Variants in WDR19 observed in about 807,000 individuals in gnomAD.
WDR19 encodes the protein WD repeat-containing protein 19.
In WDR19, 121 loss-of-function variants were observed where a neutral mutation model predicts 180.0. The observed-to-expected ratio is 0.67, with a 90% CI of 0.58 to 0.78. WDR19 has a LOEUF of 0.78. Ranked by LOEUF, WDR19 falls within the 30% of genes least tolerant of loss-of-function variation. The pLI, the probability that WDR19 is intolerant of heterozygous loss-of-function variation, is 0.00. For synonymous variants in WDR19, 497 were observed against 540.7 expected, an observed-to-expected ratio of 0.92 and a Z score of 1.12; for missense variants, 1,450 against 1,640.7, an observed-to-expected ratio of 0.88 and a Z score of 2.01.
In WDR19 at chr4:39,189,765, T is replaced by G; in HGVS notation, c.274T>G (p.Leu92Val). 6.2e-7 allele frequency: 1 copy of G among 1,604,708 alleles called. No individual in the cohort carries two copies. The highest frequency in any genetic ancestry group is 8.5e-7 in the Non-Finnish European group (1 of 1,177,346). ...TGCCAACACAAATAAGACCAGCCAG[T>G]TAGACAATGGCATGAGGTAAGATAA... is the stretch of plus-strand genomic sequence containing the variant. ...WDANTNKTSQ[L>V]DNGMRDQMSF... is the part of the protein sequence containing the mutation. Residue 92 changes from leucine to valine, a missense_variant, in exon 4 of 37, where the codon TTA becomes GTA. Transcript: ENST00000399820.
At chr4:39,222,497 G>A (rs556557727) in intron 14 of WDR19, among the ~76,000 whole-genome samples, 46 of 152,028 alleles carry the variant, frequency 3.0e-4, no homozygotes, top group African/African-American at 9.4e-4. Flanking sequence ...CTAACCCAGC[G>A]TCACAAAATT....
chr4:39,191,717 G>A (rs1250197611), intron 4 of WDR19, among the ~76,000 whole-genome samples: 3 of 152,112 alleles, frequency 2.0e-5, no homozygotes, highest in Non-Finnish European at 4.4e-5. Context: ...ACAGAACATG[G>A]TTGCTTCTCC....
chr4:39,228,153 C>T, intron 15 of WDR19, 57 bp from the exon 16 acceptor site: 1 of 1,588,094 alleles, frequency 6.3e-7, no homozygotes, highest in Non-Finnish European at 8.6e-7. Flanking sequence ...TCTACCACGG[C>T]AAATGATAAT....
At chr4:39,205,051 C>A in intron 7 of WDR19, 103 bp from the exon 8 acceptor site, 2 of 754,452 alleles carry the variant, frequency 2.7e-6, no homozygotes, top group Non-Finnish European at 4.3e-6. Flanking sequence ...CTAAATTGGG[C>A]TTATTATTTT....
intron 31 of WDR19, among the ~76,000 whole-genome samples, chr4:39,272,574 C>T (rs1359191585): frequency 1.3e-5 from 2 of 152,216 alleles, no homozygotes; most frequent in African/African-American, 4.8e-5. Flanking sequence ...GGCCTTCTGC[C>T]CGTCATTGCC....
intron 21 of WDR19, among the ~76,000 whole-genome samples, chr4:39,240,983 C>T (rs952321278): frequency 1.3e-5 from 2 of 150,198 alleles, no homozygotes; most frequent in African/African-American, 2.4e-5. Flanking sequence ...GTTTCAGTAA[C>T]CATTTTGAAA....
intron 9 of WDR19, among the ~76,000 whole-genome samples, chr4:39,210,350 A>C (rs1560495420): frequency 6.6e-6 from 1 of 152,268 alleles, no homozygotes; most frequent in Non-Finnish European, 1.5e-5. Context: ...TTTATTTCAG[A>C]TACTGAAAAT....
At chr4:39,266,208 C>T in intron 29 of WDR19, 68 bp downstream of exon 29, 4 of 1,381,408 alleles carry the variant, frequency 2.9e-6, no homozygotes, top group Non-Finnish European at 3.9e-6. Context: ...CCTGTTTTTA[C>T]CCATCATGCT....
Position 39,257,531 on chromosome 4 carries a change from G to A in WDR19, c.3160G>A (p.Ala1054Thr), listed in dbSNP as rs756862143. 1.4e-5 allele frequency: 22 copies of A among 1,589,708 alleles called. No individual in the cohort carries two copies. In the South Asian group the frequency reaches 2.4e-4, roughly 17 times the overall value. Residue 1054 changes from alanine to threonine, a missense_variant, in exon 28 of 37, where the codon GCA becomes ACA. By Grantham distance (58) the Ala-to-Thr change is moderately conservative (BLOSUM62 0). Transcript: ENST00000399820. The part of the protein sequence containing the change: ...LKCPSSEDNV[A>T]IEMAIETVGQ... ...ATGCCCAAGCTCGGAAGATAATGTG[G>A]CAATAGAAATGGCAATTGAAACTGT...
At chr4:39,207,012 G>A (rs367755895) in intron 9 of WDR19, among the ~76,000 whole-genome samples, 2 of 152,092 alleles carry the variant, frequency 1.3e-5, no homozygotes, top group Non-Finnish European at 2.9e-5. Context: ...ATTTTAACTC[G>A]CTCAGGAAAT....
At chr4:39,284,770 T>TATCA (rs770493868) in intron 36 of WDR19, among the ~76,000 whole-genome samples, 2 of 152,134 alleles carry the variant, frequency 1.3e-5, no homozygotes, top group African/African-American at 4.8e-5. Context: ...CTCCAAACAC[T>TATCA]ATCAATCAAT....
rs1303856393 is a variant in WDR19, at chr4:39,211,890, C to T, written c.891-2711C>T. Among the ~76,000 whole-genome samples the T allele has an allele frequency of 2.0e-5, 3 of 150,400 alleles. No individual in the cohort carries two copies. In the South Asian group the frequency reaches 6.3e-4, roughly 32 times the overall value. On this transcript the variant is annotated intron_variant, in intron 9 of 36. Transcript: ENST00000399820. ...TTTATATCAAAATCCCAGCATGCTTCTTTGTAGGCATAGGCATGCTTGTTC... is the reference window on the plus strand; with the variant it reads ...TTTATATCAAAATCCCAGCATGCTTTTTTGTAGGCATAGGCATGCTTGTTC...
At chr4:39,216,305 ACT>A (rs1729066789) in intron 12 of WDR19, 95 bp downstream of exon 12, 2 of 990,970 alleles carry the variant, frequency 2.0e-6, no homozygotes, top group African/African-American at 1.7e-5. Context: ...CAAGTCTTTC[ACT>A]CTTTTTTATT....
intron 9 of WDR19, among the ~76,000 whole-genome samples, chr4:39,211,229 A>G (rs918147065): frequency 6.6e-6 from 1 of 152,100 alleles, no homozygotes; most frequent in African/African-American, 2.4e-5. Context: ...TACATCTAAT[A>G]TCATGCTTAA....
At chr4:39,219,018 C>G (rs1729385262) in intron 14 of WDR19, 1 of 152,222 alleles carries the variant, frequency 6.6e-6, no homozygotes, top group African/African-American at 2.4e-5. Context: ...GAATAACATG[C>G]ATGGAGCTGT....
chr4:39,184,772 G>A (rs1305208373), intron 1 of WDR19, among the ~76,000 whole-genome samples: 1 of 152,054 alleles, frequency 6.6e-6, no homozygotes, highest in Non-Finnish European at 1.5e-5. Flanking sequence ...CCTAGAAATG[G>A]GCATCATTGT....
rs779599823 is a variant in WDR19, at chr4:39,228,192, G to A, written c.1630-18G>A. ...TCAAGTACAGACTTGGGGCAAATCT[G>A]TAAATTTTATTTTGTAGGTCAATGA... On this transcript the variant is annotated intron_variant, in intron 15 of 36. Coordinates refer to ENST00000399820, the MANE Select transcript of WDR19 (RefSeq NM_025132.4). The A allele has an allele frequency of 1.2e-6, 2 of 1,610,076 alleles. No homozygotes were observed. The highest frequency in any genetic ancestry group is 1.1e-5 in the South Asian group (1 of 90,658).
At chr4:39,218,387 G>T (rs947023963) in intron 14 of WDR19, 1 of 410,994 alleles carries the variant, frequency 2.4e-6, no homozygotes, top group Non-Finnish European at 4.4e-6. Flanking sequence ...GTGTGGTAGA[G>T]CCTATTGCTC....
chr4:39,268,375 C>A (rs1027621142), intron 30 of WDR19, among the ~76,000 whole-genome samples: 2 of 152,150 alleles, frequency 1.3e-5, no homozygotes, highest in Non-Finnish European at 2.9e-5. Flanking sequence ...CTCCTCTCAC[C>A]CCTCCAGCCC....
Sources: allele counts gnomAD v4.1 joint callset (sites outside exome capture counted in the v4.1 genomes callset), GRCh38; gene constraint gnomAD v4.1.1; transcripts MANE v1.5; gene names NCBI Gene and HGNC (gene_info 2026-07-23, HGNC 2026-07-21).